The following CAMSAP2 variants were observed in gnomAD, a reference collection of about 807,000 sequenced individuals.
The protein encoded by CAMSAP2 is calmodulin-regulated spectrin-associated protein 2.
In CAMSAP2, 26 loss-of-function variants were observed where a neutral mutation model predicts 146.1. The ratio of observed to expected loss-of-function variants is 0.18; its 90% CI spans 0.13 to 0.25. The LOEUF is 0.25. Ranked by LOEUF, CAMSAP2 falls within the 10% of genes least tolerant of loss-of-function variation. CAMSAP2 has a pLI of 1.00. For synonymous variants in CAMSAP2, 499 were observed against 596.6 expected, an observed-to-expected ratio of 0.84 and a Z score of 2.38; for missense variants, 1,381 against 1,759.3, an observed-to-expected ratio of 0.78 and a Z score of 3.85.
chr1:200,790,297 A>G (rs1256404269), intron 2 of CAMSAP2, among the ~76,000 whole-genome samples: 1 of 152,084 alleles, frequency 6.6e-6, no homozygotes, highest in Non-Finnish European at 1.5e-5. Context: ...GGAGTGCTCT[A>G]GTATATTTAG....
intron 4 of CAMSAP2, among the ~76,000 whole-genome samples, chr1:200,831,042 G>A (rs1161331978): frequency 4.6e-5 from 7 of 152,120 alleles, no homozygotes; most frequent in Non-Finnish European, 2.9e-5. Flanking sequence ...TCTCACAAAA[G>A]TGTTTTATCT....
At chr1:200,826,804 A>G (rs1480506171) in intron 4 of CAMSAP2, among the ~76,000 whole-genome samples, 2 of 152,184 alleles carry the variant, frequency 1.3e-5, no homozygotes, top group African/African-American at 4.8e-5. Flanking sequence ...TAGAAACTTA[A>G]TAAAAGTTTT....
At chr1:200,787,621 C>T (rs1280152939) in intron 2 of CAMSAP2, among the ~76,000 whole-genome samples, 1 of 152,120 alleles carries the variant, frequency 6.6e-6, no homozygotes, top group Non-Finnish European at 1.5e-5. Context: ...AATGGATTTA[C>T]AGTATTATAT....
Position 200,842,301 on chromosome 1 carries a change from G to A in CAMSAP2, c.1021+214G>A, listed in dbSNP as rs181328237. ...GGCTTTGAATTTGAAGTCTTATGAT[G>A]TGGAACTTTTAGCTTTAACTGTCCA... is the stretch of plus-strand genomic sequence containing the variant. On this transcript the variant is annotated intron_variant, in intron 7 of 16. Transcript: ENST00000358823. Among the ~76,000 whole-genome samples the A allele has an allele frequency of 5.7e-4, 87 of 152,238 alleles. 1 individual carries two copies. The highest frequency in any genetic ancestry group is 2.3e-3 in the South Asian group (11 of 4,826).
chr1:200,787,283 G>T (rs926558174), intron 2 of CAMSAP2, among the ~76,000 whole-genome samples: 2 of 152,106 alleles, frequency 1.3e-5, no homozygotes, highest in East Asian at 3.8e-4. Flanking sequence ...TTCTGAAAAG[G>T]ATTTACCAAT....
Position 200,807,388 on chromosome 1 carries a change from G to T in CAMSAP2, c.412G>T (p.Ala138Ser). Residue 138 changes from alanine (A) to serine (S), a missense_variant, in exon 3 of 17, where the codon GCC (alanine) becomes TCC (serine). Ala to Ser is a moderately conservative substitution (Grantham distance 99). This residue lies in a region of CAMSAP2 where 284 missense variants were observed against 406.9 expected (regional missense o/e 0.70). Coordinates refer to ENST00000358823, the MANE Select transcript of CAMSAP2 (RefSeq NM_203459.4). ...KKPIQMSAHL[A>S]MIDTLMMAYT... Reference sequence around the variant, plus strand: ...TTTATATTTTCAGAGTGCACATTTGGCCATGATCGATACCCTCATGATGGC... The same window carrying T: ...TTTATATTTTCAGAGTGCACATTTGTCCATGATCGATACCCTCATGATGGC... The T allele has an allele frequency of 6.5e-7, 1 of 1,538,408 alleles. No individual in the cohort carries two copies. Among genetic ancestry groups the T allele is most frequent in the Non-Finnish European group, 8.8e-7 (1 of 1,139,288 alleles).
intron 4 of CAMSAP2, among the ~76,000 whole-genome samples, chr1:200,817,039 TACAC>T (rs1558191658): frequency 1.4e-4 from 20 of 140,418 alleles, no homozygotes; most frequent in African/African-American, 4.6e-4. Flanking sequence ...TATACCCACA[TACAC>T]ACGTGTATGT....
intron 2 of CAMSAP2, among the ~76,000 whole-genome samples, chr1:200,785,899 A>T (rs1192075502): frequency 2.0e-5 from 3 of 151,870 alleles, no homozygotes; most frequent in Non-Finnish European, 4.4e-5. Context: ...CATGTTGGTC[A>T]GGCTGGTCTC....
In CAMSAP2 at chr1:200,849,223, A is replaced by C. The variant is rs181927079; in HGVS notation, c.2454A>C (p.Ala818=). 6 of 1,613,942 alleles carry C rather than the reference A, an allele frequency of 3.7e-6. No individual in the cohort carries two copies. Among genetic ancestry groups the C allele is most frequent in the Non-Finnish European group, 5.1e-6 (6 of 1,180,020 alleles). The change falls in exon 11 of 17, where the codon GCA becomes GCC. Residue 818 remains alanine, a synonymous_variant. Coordinates refer to ENST00000358823, the MANE Select transcript of CAMSAP2 (RefSeq NM_203459.4). This position sits in a 1 kb window ranked among gnomAD's most constrained non-coding sequence, Gnocchi z 6.3. The stretch of plus-strand genomic sequence containing the variant: ...ATGAGAAAGTATATACTGATCGAGC[A>C]AAAGAAAAGGAATCACAAAAAACTG... ...AEDEKVYTDR[A]KEKESQKTDG...
At chr1:200,820,320 T>G (rs969737364) in intron 4 of CAMSAP2, among the ~76,000 whole-genome samples, 2 of 152,164 alleles carry the variant, frequency 1.3e-5, no homozygotes, top group Admixed American at 6.5e-5. Context: ...CCTCCCAAAG[T>G]GCTGGGATTA....
chr1:200,786,870 C>A (rs1665607867), intron 2 of CAMSAP2, among the ~76,000 whole-genome samples: 1 of 152,116 alleles, frequency 6.6e-6, no homozygotes, highest in African/African-American at 2.4e-5. Context: ...GCTCATTTAC[C>A]ATTCTGAAAA....
intron 4 of CAMSAP2, among the ~76,000 whole-genome samples, chr1:200,817,664 G>A (rs1558192668): frequency 6.6e-6 from 1 of 152,120 alleles, no homozygotes; most frequent in African/African-American, 2.4e-5. Context: ...AGAAAGAAGG[G>A]AAAAAGGAAG....
At chr1:200,763,213 G>A (rs1189012678) in intron 2 of CAMSAP2, among the ~76,000 whole-genome samples, 2 of 152,026 alleles carry the variant, frequency 1.3e-5, no homozygotes, top group African/African-American at 2.4e-5. Context: ...CTTTATCTCT[G>A]GTTCTAACTT....
At chr1:200,795,191 A>G (rs536664506) in intron 2 of CAMSAP2, among the ~76,000 whole-genome samples, 2 of 152,306 alleles carry the variant, frequency 1.3e-5, no homozygotes, top group African/African-American at 4.8e-5. Context: ...TTTTAATATT[A>G]TTTAAATAAT....
chr1:200,746,408 T>C (rs1056451685), intron 1 of CAMSAP2, among the ~76,000 whole-genome samples: 2 of 152,084 alleles, frequency 1.3e-5, no homozygotes, highest in African/African-American at 4.8e-5. Flanking sequence ...TTGATTCTAT[T>C]TTGTGAGAAA....
chr1:200,855,509 C>G (rs187416445), intron 14 of CAMSAP2, among the ~76,000 whole-genome samples: 32 of 152,270 alleles, frequency 2.1e-4, no homozygotes, highest in Middle Eastern at 3.4e-3. Context: ...TTCACTCTTT[C>G]AACAGATATT....
At chr1:200,817,187 C>CATAAGTGTGTGTGTAT (rs1558192103) in intron 4 of CAMSAP2, among the ~76,000 whole-genome samples, 1 of 71,626 alleles carries the variant, frequency 1.4e-5, no homozygotes, top group Non-Finnish European at 2.4e-5. Flanking sequence ...TACACACACA[C>CATAAGTGTGTGTGTAT]ACATGTGTGT....
intron 2 of CAMSAP2, among the ~76,000 whole-genome samples, chr1:200,799,401 A>T (rs1205492082): frequency 6.6e-6 from 1 of 151,884 alleles, no homozygotes. Flanking sequence ...TAGTCTTGGG[A>T]GGGAGTATGT....
At chr1:200,852,455 T>C in intron 11 of CAMSAP2, 86 bp from the exon 12 acceptor site, 1 of 1,471,480 alleles carries the variant, frequency 6.8e-7, no homozygotes, top group Non-Finnish European at 9.2e-7. Flanking sequence ...GTTATAGGAC[T>C]AACCACAAAA....
Sources: gnomAD v4.1 joint callset for allele counts (sites outside exome capture counted in the v4.1 genomes callset) on GRCh38, gnomAD v4.1.1 for gene constraint, gnomAD v4.1.1 regional missense constraint, Gnocchi (gnomAD v3.1) non-coding constraint, MANE v1.5 for transcripts, NCBI Gene and HGNC (gene_info 2026-07-23, HGNC 2026-07-21) for gene names.